The following SRGAP2B variants were observed in gnomAD, a reference collection of about 807,000 sequenced individuals.
SRGAP2B encodes the protein SLIT-ROBO Rho GTPase-activating protein 2B.
A neutral mutation model predicts 22.2 loss-of-function variants in SRGAP2B; 9 were observed. The ratio of observed to expected loss-of-function variants is 0.41; its 90% CI spans 0.24 to 0.71. SRGAP2B has a LOEUF of 0.71. Among genes scored for constraint, SRGAP2B ranks in the 30% least tolerant of loss-of-function variants. The pLI is 0.35. For missense variants in SRGAP2B, 114 were observed against 235.8 expected (o/e 0.48, Z 3.38); for synonymous variants, 36 against 87.4 (o/e 0.41, Z 3.28).
At chr1:144,902,710 C>T (rs1198535297) in intron 7 of SRGAP2B, among the ~76,000 whole-genome samples, 19 of 143,892 alleles carry the variant, frequency 1.3e-4, no homozygotes, top group Admixed American at 3.5e-4. Flanking sequence ...TGCAGTGAGC[C>T]GAGATCGCAC....
At chr1:144,906,130 C>G in intron 5 of SRGAP2B, 56 bp from the exon 6 acceptor site, 3 of 709,606 alleles carry the variant, frequency 4.2e-6, no homozygotes, top group Non-Finnish European at 7.8e-6. Context: ...TGTCATTTCT[C>G]TGCTTTACAG....
At chr1:144,909,175 T>A (rs1663217383) in intron 5 of SRGAP2B, among the ~76,000 whole-genome samples, 2 of 150,142 alleles carry the variant, frequency 1.3e-5, no homozygotes, top group Admixed American at 1.3e-4. Context: ...TCTACTTGAG[T>A]CCTAAACCAA....
At chr1:145,062,996 GACTT>G (rs1396860486) in intron 2 of SRGAP2B, among the ~76,000 whole-genome samples, 2 of 149,896 alleles carry the variant, frequency 1.3e-5, no homozygotes, top group Non-Finnish European at 3.0e-5. Flanking sequence ...TCGTATTAAC[GACTT>G]ACTTGCGTTC....
rs587719566 is a variant in SRGAP2B, at chr1:145,008,947, G to A, written c.68-13747C>T. On this transcript the variant is annotated intron_variant, in intron 2 of 9. Transcript: ENST00000612199. Reference sequence around the variant, plus strand: ...AGGACTTTGGGAGGCCAAGGCAGGCGGACCACGAGGTCAGGAGATCGAGAC... The same window carrying A: ...AGGACTTTGGGAGGCCAAGGCAGGCAGACCACGAGGTCAGGAGATCGAGAC... Among the ~76,000 whole-genome samples the A allele has an allele frequency of 1.5e-4, 22 of 150,168 alleles. 1 individual carries two copies. The East Asian group carries it at 4.1e-3, about 28-fold the overall frequency.
rs1260831582 is a variant in SRGAP2B, at chr1:144,939,342, C to T, written c.423+16097G>A. On this transcript the variant is annotated intron_variant, in intron 4 of 9. Coordinates refer to ENST00000612199, the Ensembl canonical transcript of SRGAP2B. The stretch of plus-strand genomic sequence containing the variant: ...GATGGCTAATTGAGAATCCTGGAAG[C>T]AGGTAATTAAAATAACATCGGCCCA... Among the ~76,000 whole-genome samples, 12 of 150,550 alleles carry T rather than the reference C, an allele frequency of 8.0e-5. 1 individual carries two copies. Among genetic ancestry groups the T allele is most frequent in the African/African-American group, 2.7e-4 (11 of 40,064 alleles).
At position 144,912,188 on chromosome 1, in the gene SRGAP2B, G is replaced by A. The variant is rs1195148040; in HGVS notation, c.486+2504C>T. On this transcript the variant is annotated intron_variant, in intron 5 of 9. Coordinates refer to ENST00000612199, the Ensembl canonical transcript of SRGAP2B. ...AGGATGGTCTCGATCTCCTGACCTC[G>A]TGATCTGCCTGCCTCAGCCTCCCAA... 1.3e-3 allele frequency among the ~76,000 whole-genome samples: 188 copies of A among 145,328 alleles called. 8 individuals are homozygous for A. Among genetic ancestry groups the A allele is most frequent in the African/African-American group, 4.8e-3 (183 of 37,820 alleles).
intron 2 of SRGAP2B, among the ~76,000 whole-genome samples, chr1:145,039,609 G>T (rs2788773): frequency 0.02 from 1,021 of 51,488 alleles, 11 homozygotes; most frequent in Non-Finnish European, 0.03. Context: ...CTAAGAGAAA[G>T]AGGTTGGCAG....
rs1322721618 is a variant in SRGAP2B, at chr1:144,984,032, A to G, written c.260+10976T>C. On this transcript the variant is annotated intron_variant, in intron 3 of 9. Coordinates refer to ENST00000612199, the Ensembl canonical transcript of SRGAP2B. ...CTCCTAACTTCTGTTAAAAAACACTAGATTTCAGCTGGGCACAGAGGCTTA... is the reference window on the plus strand; with the variant it reads ...CTCCTAACTTCTGTTAAAAAACACTGGATTTCAGCTGGGCACAGAGGCTTA... Among the ~76,000 whole-genome samples, 11 of 151,112 alleles carry G rather than the reference A, an allele frequency of 7.3e-5. 1 individual carries two copies. Among genetic ancestry groups the G allele is most frequent in the Non-Finnish European group, 1.3e-4 (9 of 68,000 alleles).
At chr1:145,057,890 T>TG (rs1235524280) in intron 2 of SRGAP2B, among the ~76,000 whole-genome samples, 3 of 95,360 alleles carry the variant, frequency 3.1e-5, no homozygotes, top group African/African-American at 1.3e-4. Context: ...TCTGTAGAGA[T>TG]GGGGTCTCCT....
At chr1:144,909,044 C>G (rs1482435568) in intron 5 of SRGAP2B, among the ~76,000 whole-genome samples, 1 of 142,732 alleles carries the variant, frequency 7.0e-6, no homozygotes, top group African/African-American at 2.7e-5. Context: ...CTCCCTCTGA[C>G]AGCCACACTA....
At chr1:145,094,986 CCAGGCTGTA>C in intron 1 of SRGAP2B, 4 of 1,541,484 alleles carry the variant, frequency 2.6e-6, no homozygotes, top group Non-Finnish European at 3.5e-6. Context: ...GGACAGAGTC[CCAGGCTGTA>C]CAGTGATGGG....
At chr1:145,012,964 G>A (rs1398252402) in intron 2 of SRGAP2B, among the ~76,000 whole-genome samples, 1 of 150,170 alleles carries the variant, frequency 6.7e-6, no homozygotes, top group Non-Finnish European at 1.5e-5. Context: ...GCACCTGTAA[G>A]CCCAGCTACT....
intron 2 of SRGAP2B, among the ~76,000 whole-genome samples, chr1:144,999,946 G>A (rs1671011955): frequency 6.7e-6 from 1 of 149,802 alleles, no homozygotes; most frequent in Non-Finnish European, 1.5e-5. Context: ...TACAGTATGT[G>A]AATTATATCT....
In SRGAP2B at chr1:145,009,575, G is replaced by A. The variant is rs1342318423; in HGVS notation, c.68-14375C>T. Among the ~76,000 whole-genome samples, 68 of 145,124 alleles carry A rather than the reference G, an allele frequency of 4.7e-4. No homozygotes were observed. In the Middle Eastern group the frequency reaches 0.014, roughly 29 times the overall value. Reference sequence around the variant, plus strand: ...TGCACTCCAGCCTGGGCGACAGAGCGAGACTCCGTCTCAAAAAAAAAAAAA... The same window carrying A: ...TGCACTCCAGCCTGGGCGACAGAGCAAGACTCCGTCTCAAAAAAAAAAAAA... On this transcript the variant is annotated intron_variant, in intron 2 of 9. Transcript: ENST00000612199.
At chr1:144,941,497 A>C (rs1388189948) in intron 4 of SRGAP2B, among the ~76,000 whole-genome samples, 7 of 149,890 alleles carry the variant, frequency 4.7e-5, no homozygotes, top group Non-Finnish European at 1.0e-4. Flanking sequence ...ACAGAGAAAA[A>C]GGAAAAAAAG....
intron 7 of SRGAP2B, among the ~76,000 whole-genome samples, chr1:144,900,399 CG>C (rs1361280533): frequency 6.1e-4 from 3 of 4,936 alleles, no homozygotes; most frequent in Admixed American, 2.1e-3. Flanking sequence ...CAGGCAGATT[CG>C]GAAGAGGTTC....
chr1:144,952,424 G>T (rs1448090977), intron 4 of SRGAP2B, among the ~76,000 whole-genome samples: 6 of 148,528 alleles, frequency 4.0e-5, no homozygotes, highest in Middle Eastern at 3.2e-3. Flanking sequence ...AAAAACTGGG[G>T]TGTGGTATGA....
intron 2 of SRGAP2B, among the ~76,000 whole-genome samples, chr1:145,030,483 A>G (rs1164689801): frequency 2.8e-5 from 3 of 105,722 alleles, no homozygotes; most frequent in Admixed American, 1.9e-4. Flanking sequence ...GTTCTCATTC[A>G]TAGGTGGGAA....
intron 2 of SRGAP2B, among the ~76,000 whole-genome samples, chr1:145,067,237 T>C (rs1651601316): frequency 6.9e-6 from 1 of 144,600 alleles, no homozygotes; most frequent in Non-Finnish European, 1.5e-5. Context: ...TGCAGTGAGC[T>C]GAGATCACGC....
Sources: allele counts gnomAD v4.1 joint callset (sites outside exome capture counted in the v4.1 genomes callset), GRCh38; gene constraint gnomAD v4.1.1; transcripts MANE v1.5; gene names NCBI Gene and HGNC (gene_info 2026-07-23, HGNC 2026-07-21).